Variants in MLLT1 observed in about 807,000 individuals in gnomAD.
MLLT1 encodes MLLT1 super elongation complex subunit.
A neutral mutation model predicts 55.1 loss-of-function variants in MLLT1; 11 were observed. That is an observed-to-expected ratio of 0.20 (90% CI 0.13 to 0.33). MLLT1 has a LOEUF of 0.33. MLLT1 is among the 10% of genes least tolerant of loss of function. MLLT1 has a pLI of 1.00. For missense variants in MLLT1, 536 were observed against 760.6 expected, an observed-to-expected ratio of 0.70 and a Z score of 3.47; for synonymous variants, 323 against 320.1, an observed-to-expected ratio of 1.01 and a Z score of -0.10.
At chr19:6,276,560 C>T (rs2091429266) in intron 1 of MLLT1, among the ~76,000 whole-genome samples, 1 of 152,130 alleles carries the variant, frequency 6.6e-6, no homozygotes, top group African/African-American at 2.4e-5. Flanking sequence ...CACCACCTCC[C>T]AGCTCCCTAG....
In MLLT1 at chr19:6,227,202, G is replaced by A; in HGVS notation, c.421-100C>T. 1 of 1,292,552 alleles carries A rather than the reference G, an allele frequency of 7.7e-7. No homozygotes were observed. The highest frequency in any genetic ancestry group is 1.1e-6 in the Non-Finnish European group (1 of 946,782). The allele number at this position is 1,292,552 out of a possible 1,614,324, so 80.1% of individuals were successfully genotyped here. ...TGGGGCTTCCCTCTGCAGGAGGGGA[G>A]AAGGGAGAGCCTGAGCGCTTTCCCG... is the stretch of plus-strand genomic sequence containing the variant. On this transcript the variant is annotated intron_variant, in intron 4 of 11. Transcript: ENST00000252674. The surrounding 1 kb of genome is among the most constrained non-coding windows in gnomAD (Gnocchi z 5.1).
rs375227885 is a variant in MLLT1 at position 6,248,520 on chromosome 19, G to C, written c.276+13708C>G. ...ATATCTGGCACTTCCTAATATGATG[G>C]AAGAGGAAGTGCATTTACCTCTGTG... On this transcript the variant is annotated intron_variant, in intron 3 of 11. Coordinates refer to ENST00000252674, the MANE Select transcript of MLLT1 (RefSeq NM_005934.4). Among the ~76,000 whole-genome samples, 52 of 152,334 alleles carry C rather than the reference G, an allele frequency of 3.4e-4. 1 individual carries two copies. The East Asian group carries it at 4.6e-3, about 14-fold the overall frequency.
Position 6,229,027 on chromosome 19 carries a change from G to A in MLLT1, c.420+1543C>T, listed in dbSNP as rs2090981159. 6.6e-6 allele frequency among the ~76,000 whole-genome samples: 1 copy of A among 152,170 alleles called. No homozygotes were observed. The highest frequency in any genetic ancestry group is 6.5e-5 in the Admixed American group (1 of 15,288). On this transcript the variant is annotated intron_variant, in intron 4 of 11. Transcript: ENST00000252674. The surrounding 1 kb of genome is among the most constrained non-coding windows in gnomAD (Gnocchi z 5.2). Reference sequence around the variant, plus strand: ...ATGCCCTCAGAGCCTTCATCGCTGTGGAGCAAAGGAAGCCGCCTCCCACAG... The same window carrying A: ...ATGCCCTCAGAGCCTTCATCGCTGTAGAGCAAAGGAAGCCGCCTCCCACAG...
chr19:6,250,001 AC>A (rs1568289592), intron 3 of MLLT1, among the ~76,000 whole-genome samples: 3 of 152,280 alleles, frequency 2.0e-5, no homozygotes, highest in Non-Finnish European at 2.9e-5. Context: ...AGCCTGGGTG[AC>A]AGAGTGAGAC....
At position 6,214,051 on chromosome 19, in the gene MLLT1, A is replaced by G; in HGVS notation, c.1308-13T>C. The G allele has an allele frequency of 2.8e-6, 4 of 1,405,566 alleles. No homozygotes were observed. The South Asian group carries it at 6.9e-5, about 24-fold the overall frequency. 87.1% of individuals were successfully genotyped at this position (1,405,566 alleles called of 1,614,324 possible). A position where few individuals can be genotyped will look rare whatever the true frequency, so the allele number is the denominator to read the frequency against. On this transcript the variant is annotated splice_polypyrimidine_tract_variant and intron_variant, in intron 8 of 11. Transcript: ENST00000252674. ...GCTGAAGCTCAACCTGAACCGACACACGGGGGCGCATCAGGCCCCTGCCGC... is the reference window on the plus strand; with the variant it reads ...GCTGAAGCTCAACCTGAACCGACACGCGGGGGCGCATCAGGCCCCTGCCGC...
chr19:6,244,985 TG>T (rs565827954), intron 3 of MLLT1, among the ~76,000 whole-genome samples: 1 of 151,848 alleles, frequency 6.6e-6, no homozygotes, highest in Non-Finnish European at 1.5e-5. Flanking sequence ...CATACCCGGC[TG>T]GGGGGGAATG....
At position 6,212,318 on chromosome 19, in the gene MLLT1, G is replaced by A. The variant is rs989953306; in HGVS notation, c.*724C>T. ...AACGGCAAAGGGAGAATTCCTCCAT[G>A]CGCCTGGAGAGGGCCAGCTGCCGTG... is the stretch of plus-strand genomic sequence containing the variant. On this transcript the variant is annotated 3_prime_UTR_variant, in exon 12 of 12. Transcript: ENST00000252674. The A allele has an allele frequency of 2.8e-6, 3 of 1,065,754 alleles. No individual in the cohort carries two copies. Among genetic ancestry groups the A allele is most frequent in the African/African-American group, 1.6e-5 (1 of 61,010 alleles). The allele number at this position is 1,065,754 out of a possible 1,614,324, so 66.0% of individuals were successfully genotyped here. A position where few individuals can be genotyped will look rare whatever the true frequency, so the allele number is the denominator to read the frequency against.
chr19:6,215,020 G>A (rs982529847), intron 8 of MLLT1, among the ~76,000 whole-genome samples: 2 of 152,160 alleles, frequency 1.3e-5, no homozygotes, highest in African/African-American at 4.8e-5. Context: ...CCCAGGCGAC[G>A]CCCCTGCCTG....
At chr19:6,265,467 T>C (rs1419885284) in intron 2 of MLLT1, among the ~76,000 whole-genome samples, 1 of 151,794 alleles carries the variant, frequency 6.6e-6, no homozygotes, top group African/African-American at 2.4e-5. Flanking sequence ...AGTCAGGAGT[T>C]CAAGACCAGC....
chr19:6,210,960 C>T lies in MLLT1; in HGVS notation c.*2082G>A, dbSNP rs747931599. 1.0e-4 allele frequency: 24 copies of T among 231,014 alleles called. No homozygotes were observed. Among genetic ancestry groups the T allele is most frequent in the Admixed American group, 5.1e-4 (9 of 17,698 alleles). The allele number at this position is 231,014 out of a possible 1,614,324, so 14.3% of individuals were successfully genotyped here. A position where few individuals can be genotyped will look rare whatever the true frequency, so the allele number is the denominator to read the frequency against. On this transcript the variant is annotated 3_prime_UTR_variant, in exon 12 of 12. Coordinates refer to ENST00000252674, the MANE Select transcript of MLLT1 (RefSeq NM_005934.4). The surrounding 1 kb of genome is among the most constrained non-coding windows in gnomAD (Gnocchi z 4.6). ...TTGGTGCTTCCGGAGGCCTTGGAAA[C>T]GGCAGGAAGGGCCAGACGCCACCAC...
intron 8 of MLLT1, among the ~76,000 whole-genome samples, chr19:6,214,360 G>C (rs903587036): frequency 1.3e-5 from 2 of 152,194 alleles, no homozygotes; most frequent in African/African-American, 4.8e-5. Context: ...TGGTTCTGTG[G>C]CTTTAACAAG....
At chr19:6,242,416 C>T (rs2144901399) in intron 3 of MLLT1, among the ~76,000 whole-genome samples, 1 of 152,346 alleles carries the variant, frequency 6.6e-6, no homozygotes, top group East Asian at 1.9e-4. Flanking sequence ...AATGCCCTTC[C>T]TGTGCCCTCG....
intron 7 of MLLT1, 35 bp from the exon 8 acceptor site, chr19:6,216,548 G>C (rs1418977177): frequency 3.4e-6 from 5 of 1,467,660 alleles, no homozygotes; most frequent in Non-Finnish European, 4.7e-6. Context: ...GGGGAGACAA[G>C]GGCAGGGCTC....
chr19:6,271,874 G>A (rs566531691), intron 1 of MLLT1, among the ~76,000 whole-genome samples: 5 of 152,290 alleles, frequency 3.3e-5, no homozygotes, highest in South Asian at 4.1e-4. Context: ...GCCTTTCCAC[G>A]CCATCGCTCG....
intron 3 of MLLT1, among the ~76,000 whole-genome samples, chr19:6,241,848 G>A (rs1410754483): frequency 2.6e-5 from 4 of 152,224 alleles, no homozygotes; most frequent in Admixed American, 6.5e-5. Flanking sequence ...CTGGGTCCCC[G>A]CACACAATGT....
chr19:6,253,938 A>G (rs2091238647), intron 3 of MLLT1, among the ~76,000 whole-genome samples: 1 of 152,144 alleles, frequency 6.6e-6, no homozygotes, highest in Non-Finnish European at 1.5e-5. Flanking sequence ...TTGTTTTAAT[A>G]TTGGGTCTTA....
Position 6,222,620 on chromosome 19 carries a change from C to T in MLLT1, c.611G>A (p.Arg204Gln), listed in dbSNP as rs1262751102. 4 of 1,590,284 alleles carry T rather than the reference C, an allele frequency of 2.5e-6. No homozygotes were observed. The highest frequency in any genetic ancestry group is 2.7e-5 in the African/African-American group (2 of 74,460). The change falls in exon 6 of 12, where the codon CGG becomes CAG. Residue 204 changes from arginine (R) to glutamine (Q), a missense_variant. Physicochemically the swap from Arg to Gln is conservative, Grantham distance 43. Transcript: ENST00000252674. This position sits in a 1 kb window ranked among gnomAD's most constrained non-coding sequence, Gnocchi z 4.1. ...CTTGCTCTCGGAGTCTTTGCGGGGC[C>T]GCTCCCGGTGCTCCTTGGTCACCTT... ...PHKVTKEHRE[R>Q]PRKDSESKSS... is the part of the protein sequence containing the mutation.
chr19:6,247,900 G>GTTTT (rs34638116), intron 3 of MLLT1, among the ~76,000 whole-genome samples: 3 of 151,236 alleles, frequency 2.0e-5, no homozygotes, highest in Non-Finnish European at 2.9e-5. Flanking sequence ...TTGTTTGTTT[G>GTTTT]TTTTTTGTGA....
At chr19:6,225,601 C>T (rs1030821633) in intron 5 of MLLT1, among the ~76,000 whole-genome samples, 2 of 152,176 alleles carry the variant, frequency 1.3e-5, no homozygotes, top group Admixed American at 6.5e-5. Context: ...CCACAGATGC[C>T]GCCTACATCT....
Sources: allele counts gnomAD v4.1 joint callset (sites outside exome capture counted in the v4.1 genomes callset), GRCh38; gene constraint gnomAD v4.1.1; non-coding constraint Gnocchi (gnomAD v3.1); transcripts MANE v1.5; gene names NCBI Gene and HGNC (gene_info 2026-07-23, HGNC 2026-07-21).